Variants in MUC7 observed in about 807,000 individuals in gnomAD.
The protein encoded by MUC7 is mucin-7.
A neutral mutation model predicts 2.5 loss-of-function variants in MUC7; 2 were observed. That is an observed-to-expected ratio of 0.81 (90% CI 0.33 to 2.55). The LOEUF is 2.55. MUC7 is among the 30% of genes most tolerant of loss of function. The pLI is 0.11. For missense variants in MUC7, 408 were observed against 455.6 expected, an observed-to-expected ratio of 0.90 and a Z score of 0.95; for synonymous variants, 133 against 173.4, an observed-to-expected ratio of 0.77 and a Z score of 1.83.
At chr4:70,454,816 G>T (rs1734375443) in intron 1 of MUC7, among the ~76,000 whole-genome samples, 1 of 152,062 alleles carries the variant, frequency 6.6e-6, no homozygotes, top group Non-Finnish European at 1.5e-5. Context: ...GACAACTAAT[G>T]GCATTTCATT....
At chr4:70,434,885 C>T (rs1018419370) in intron 1 of MUC7, among the ~76,000 whole-genome samples, 4 of 151,932 alleles carry the variant, frequency 2.6e-5, no homozygotes, top group Admixed American at 6.6e-5. Context: ...TAATTGTGTT[C>T]GAGAGATTCT....
At chr4:70,441,105 G>A (rs1733993838) in intron 1 of MUC7, among the ~76,000 whole-genome samples, 1 of 152,136 alleles carries the variant, frequency 6.6e-6, no homozygotes, top group Non-Finnish European at 1.5e-5. Context: ...TTTTTATTGT[G>A]TGGTATTACA....
intron 1 of MUC7, among the ~76,000 whole-genome samples, chr4:70,452,647 CT>C (rs1734307712): frequency 6.6e-6 from 1 of 152,034 alleles, no homozygotes; most frequent in South Asian, 2.1e-4. Context: ...CTTCCTGTGT[CT>C]TAAAAAGTTG....
At chr4:70,452,559 C>CA (rs59993049) in intron 1 of MUC7, among the ~76,000 whole-genome samples, 5 of 151,268 alleles carry the variant, frequency 3.3e-5, no homozygotes, top group South Asian at 2.1e-4. Context: ...AAAACAAAAA[C>CA]AAAAAAAAAA....
At chr4:70,460,450 C>T (rs2109725804) in intron 1 of MUC7, among the ~76,000 whole-genome samples, 1 of 144,668 alleles carries the variant, frequency 6.9e-6, no homozygotes, top group Admixed American at 7.3e-5. Flanking sequence ...GAATAATATA[C>T]ATGAAAGTTA....
chr4:70,481,228 C>A lies in MUC7; in HGVS notation c.484C>A (p.Pro162Thr). The A allele has an allele frequency of 6.2e-7, 1 of 1,614,182 alleles. No homozygotes were observed. The highest frequency in any genetic ancestry group is 8.5e-7 in the Non-Finnish European group (1 of 1,180,022). The stretch of plus-strand genomic sequence containing the variant: ...ATTAGCACCAGTGAATTCCCCAGCT[C>A]CACAAGACACCACAGCTGCCCCACC... ...ATLAPVNSPA[P>T]QDTTAAPPTP... Residue 162 changes from proline to threonine, a missense_variant, in exon 3 of 3, where the codon CCA becomes ACA. Around this residue, in one of 3 missense-constraint regions of MUC7, gnomAD observed 225 missense variants for 240.5 expected, o/e 0.94. Coordinates refer to ENST00000304887, the MANE Select transcript of MUC7 (RefSeq NM_152291.3).
chr4:70,474,573 AGG>A (rs1231291298), intron 2 of MUC7, among the ~76,000 whole-genome samples: 4 of 152,128 alleles, frequency 2.6e-5, no homozygotes, highest in African/African-American at 9.7e-5. Context: ...CTAGGTAGGT[AGG>A]TAGGTAGGTA....
chr4:70,457,386 G>A (rs1421559619), intron 1 of MUC7, among the ~76,000 whole-genome samples: 1 of 152,150 alleles, frequency 6.6e-6, no homozygotes, highest in African/African-American at 2.4e-5. Flanking sequence ...TAAGGTTGCA[G>A]TAAGCTGATT....
At chr4:70,471,868 T>C (rs938232178), upstream of MUC7, 2 of 152,116 alleles carry the variant, frequency 1.3e-5, no homozygotes, top group Non-Finnish European at 2.9e-5. Context: ...TCTGCTTACT[T>C]TGAGAGCCCA....
At chr4:70,465,058 C>T (rs186794006) in intron 1 of MUC7, among the ~76,000 whole-genome samples, 1 of 152,324 alleles carries the variant, frequency 6.6e-6, no homozygotes, top group African/African-American at 2.4e-5. Context: ...AAGCAACAGG[C>T]AGCAATCCTT....
intron 1 of MUC7, 23 bp from the exon 2 acceptor site, chr4:70,473,984 C>T (rs201070561): frequency 1.4e-4 from 213 of 1,552,970 alleles, no homozygotes; most frequent in Middle Eastern, 5.0e-4. Flanking sequence ...ACTAATAGTA[C>T]GCCACATTTC....
intron 1 of MUC7, among the ~76,000 whole-genome samples, chr4:70,444,850 G>A (rs774062513): frequency 1.6e-4 from 24 of 152,070 alleles, no homozygotes; most frequent in African/African-American, 3.6e-4. Flanking sequence ...TCAGGAGTTC[G>A]AGACCAGCCT....
intron 1 of MUC7, among the ~76,000 whole-genome samples, chr4:70,438,660 G>A (rs1733924794): frequency 6.6e-6 from 1 of 152,054 alleles, no homozygotes; most frequent in African/African-American, 2.4e-5. Flanking sequence ...GTTTCACCAT[G>A]TTGGCCAGGC....
intron 1 of MUC7, among the ~76,000 whole-genome samples, chr4:70,457,493 AAGAG>A (rs1195514365): frequency 6.6e-6 from 1 of 152,092 alleles, no homozygotes; most frequent in Non-Finnish European, 1.5e-5. Context: ...AAACTAAGAA[AAGAG>A]AGAGAGGAGC....
chr4:70,453,457 C>T (rs1389081166), intron 1 of MUC7, among the ~76,000 whole-genome samples: 1 of 152,204 alleles, frequency 6.6e-6, no homozygotes. Context: ...CTGATGTTCC[C>T]TCAAGGGCTC....
chr4:70,438,461 G>T (rs13105626), intron 1 of MUC7, among the ~76,000 whole-genome samples: 156 of 104,162 alleles, frequency 1.5e-3, no homozygotes, highest in African/African-American at 4.4e-3. Context: ...TTTTGTTTTG[G>T]TTTGGTTTGG....
chr4:70,442,795 G>T (rs1734040728), intron 1 of MUC7, among the ~76,000 whole-genome samples: 2 of 152,034 alleles, frequency 1.3e-5, no homozygotes, highest in Admixed American at 1.3e-4. Flanking sequence ...CAGTCAAGTG[G>T]GACACAAGAG....
At chr4:70,443,979 C>G (rs1209133337) in intron 1 of MUC7, among the ~76,000 whole-genome samples, 1 of 152,172 alleles carries the variant, frequency 6.6e-6, no homozygotes, top group East Asian at 1.9e-4. Flanking sequence ...ATCCACTGGA[C>G]ATCAACATCT....
intron 2 of MUC7, among the ~76,000 whole-genome samples, chr4:70,475,139 T>C (rs2109742353): frequency 6.6e-6 from 1 of 151,826 alleles, no homozygotes; most frequent in East Asian, 1.9e-4. Flanking sequence ...ATTAGCTGGG[T>C]GTGGTGGTGG....
Sources: gnomAD v4.1 joint callset for allele counts (sites outside exome capture counted in the v4.1 genomes callset) on GRCh38, gnomAD v4.1.1 for gene constraint, gnomAD v4.1.1 regional missense constraint, MANE v1.5 for transcripts, NCBI Gene and HGNC (gene_info 2026-07-23, HGNC 2026-07-21) for gene names.